Variants in LMOD1 observed in about 807,000 individuals in gnomAD.
The protein encoded by LMOD1 is leiomodin-1.
Under a neutral mutation model 36.5 loss-of-function variants are expected in LMOD1, and 8 were observed. The ratio of observed to expected loss-of-function variants is 0.22; its 90% CI spans 0.13 to 0.40. The LOEUF is 0.40. Among genes scored for constraint, LMOD1 ranks in the 10% least tolerant of loss-of-function variants. The probability of loss-of-function intolerance (pLI) is 1.00; values close to 1 mark genes in which losing one functional copy is unlikely to be tolerated. For synonymous variants in LMOD1, 284 were observed against 288.7 expected, an observed-to-expected ratio of 0.98 and a Z score of 0.17; for missense variants, 630 against 751.1, an observed-to-expected ratio of 0.84 and a Z score of 1.88.
chr1:201,945,982 G>A (rs1261570042), intron 1 of LMOD1, 98 bp downstream of exon 1: 1 of 1,244,998 alleles, frequency 8.0e-7, no homozygotes, highest in Admixed American at 2.1e-5. Flanking sequence ...TTGCCAACAA[G>A]AACGTTTCTT....
chr1:201,915,068 A>G (rs1255833055), intron 1 of LMOD1, among the ~76,000 whole-genome samples: 1 of 152,090 alleles, frequency 6.6e-6, no homozygotes. Flanking sequence ...TCCTGTCACT[A>G]AGTCGGATTT....
At chr1:201,917,550 T>C (rs1681632280) in intron 1 of LMOD1, among the ~76,000 whole-genome samples, 1 of 152,238 alleles carries the variant, frequency 6.6e-6, no homozygotes, top group Non-Finnish European at 1.5e-5. Context: ...TCAGCAGAAC[T>C]AAATGCTTTG....
intron 1 of LMOD1, among the ~76,000 whole-genome samples, chr1:201,931,200 T>C (rs567529234): frequency 5.9e-5 from 9 of 151,990 alleles, no homozygotes; most frequent in Admixed American, 1.3e-4. Flanking sequence ...GTTTGGGTAA[T>C]AGTCTGGGAC....
At chr1:201,909,301 G>A (rs1181616328) in intron 1 of LMOD1, among the ~76,000 whole-genome samples, 1 of 152,220 alleles carries the variant, frequency 6.6e-6, no homozygotes, top group Non-Finnish European at 1.5e-5. Context: ...GCAGATGATG[G>A]GGTCTCAGGT....
At chr1:201,923,077 G>A (rs1681733576) in intron 1 of LMOD1, among the ~76,000 whole-genome samples, 1 of 152,074 alleles carries the variant, frequency 6.6e-6, no homozygotes, top group Non-Finnish European at 1.5e-5. Flanking sequence ...CACCCGTCTC[G>A]GCCTCCCAAA....
At chr1:201,908,576 G>A (rs1681445795) in intron 1 of LMOD1, among the ~76,000 whole-genome samples, 1 of 152,124 alleles carries the variant, frequency 6.6e-6, no homozygotes, top group African/African-American at 2.4e-5. Context: ...TCCTAATTTG[G>A]GGTTGGGGGC....
chr1:201,904,048 C>T (rs1681371485), intron 1 of LMOD1, among the ~76,000 whole-genome samples: 1 of 152,218 alleles, frequency 6.6e-6, no homozygotes, highest in Non-Finnish European at 1.5e-5. Flanking sequence ...TCGGCCCACC[C>T]AGCATCCCTG....
chr1:201,943,221 G>A (rs1011869677), intron 1 of LMOD1, among the ~76,000 whole-genome samples: 1 of 152,200 alleles, frequency 6.6e-6, no homozygotes, highest in Admixed American at 6.5e-5. Flanking sequence ...TTGCACCCTA[G>A]TATGGCAGAG....
At chr1:201,932,068 A>G (rs1681932797) in intron 1 of LMOD1, among the ~76,000 whole-genome samples, 1 of 152,298 alleles carries the variant, frequency 6.6e-6, no homozygotes, top group African/African-American at 2.4e-5. Context: ...AGTAGCTTGG[A>G]TGCACAATAG....
chr1:201,946,182 G>T lies in LMOD1; in HGVS notation c.159C>A (p.Asn53Lys), dbSNP rs753894312. Residue 53 changes from asparagine (N) to lysine (K), a missense_variant, in exon 1 of 3, where the codon AAC becomes AAA. Transcript: ENST00000367288. ...CACCCGTGGACTGTTTCTCCGTCTGGTTTCTCTGCCGCAGCCCCACGGGAA... is the reference window on the plus strand; with the variant it reads ...CACCCGTGGACTGTTTCTCCGTCTGTTTTCTCTGCCGCAGCCCCACGGGAA... ...GSVPVGLRQR[N>K]QTEKQSTGVY... 2 of 1,613,978 alleles carry T rather than the reference G, an allele frequency of 1.2e-6. No individual in the cohort carries two copies. Among genetic ancestry groups the T allele is most frequent in the Non-Finnish European group, 1.7e-6 (2 of 1,179,880 alleles).
Position 201,919,290 on chromosome 1 carries a change from C to T in LMOD1, c.262-18539G>A, listed in dbSNP as rs186577590. On this transcript the variant is annotated intron_variant, in intron 1 of 2. Coordinates refer to ENST00000367288, the MANE Select transcript of LMOD1 (RefSeq NM_012134.3). ...GTGCAGTGGTACTCACTGCAACCTC[C>T]GCCTCCTGGGTTCAAGCAATTTTCC... 3.8e-3 allele frequency among the ~76,000 whole-genome samples: 576 copies of T among 152,040 alleles called. 3 individuals carry two copies. Among genetic ancestry groups the T allele is most frequent in the African/African-American group, 0.013 (541 of 41,428 alleles).
At chr1:201,910,744 CTTTTTTTTTTTTTTTTT>C (rs58506647) in intron 1 of LMOD1, among the ~76,000 whole-genome samples, 1 of 49,050 alleles carries the variant, frequency 2.0e-5, no homozygotes, top group Admixed American at 3.6e-4. Context: ...TGGTGTCATT[CTTTTTTTTTTTTTTTTT>C]TTTTTTTTTT....
At chr1:201,924,693 GAA>G (rs1242121202) in intron 1 of LMOD1, among the ~76,000 whole-genome samples, 2 of 119,916 alleles carry the variant, frequency 1.7e-5, no homozygotes, top group African/African-American at 5.8e-5. Context: ...AAGAAAGAAA[GAA>G]AGAAAGAAAG....
intron 1 of LMOD1, among the ~76,000 whole-genome samples, chr1:201,907,899 G>T (rs1681435405): frequency 6.6e-6 from 1 of 152,136 alleles, no homozygotes; most frequent in African/African-American, 2.4e-5. Flanking sequence ...AAACAGTCTT[G>T]CCCTCACAAC....
chr1:201,935,319 C>CTT lies in LMOD1; in HGVS notation c.261+10759_261+10760dup, dbSNP rs35542093. 5.6e-3 allele frequency among the ~76,000 whole-genome samples: 777 copies of CTT among 138,262 alleles called. 4 individuals are homozygous for CTT. Among genetic ancestry groups the CTT allele is most frequent in the African/African-American group, 0.012 (457 of 37,688 alleles). 90.7% of individuals were successfully genotyped at this position (138,262 alleles called of 152,430 possible). On this transcript the variant is annotated intron_variant, in intron 1 of 2. Coordinates refer to ENST00000367288, the MANE Select transcript of LMOD1 (RefSeq NM_012134.3). ...TAAGCTATTTGGTGAATTTGATGTCCTTTTTTTTTTTTTTTTGAGACAAGA... is the reference window on the plus strand; with the variant it reads ...TAAGCTATTTGGTGAATTTGATGTCCTTTTTTTTTTTTTTTTTTGAGACAAGA...
At chr1:201,937,249 C>T (rs1468872693) in intron 1 of LMOD1, among the ~76,000 whole-genome samples, 3 of 151,884 alleles carry the variant, frequency 2.0e-5, no homozygotes, top group African/African-American at 7.3e-5. Flanking sequence ...AGTTCAAGAC[C>T]AGCCTTGGCA....
At chr1:201,935,354 C>A (rs1302131053) in intron 1 of LMOD1, among the ~76,000 whole-genome samples, 1 of 147,612 alleles carries the variant, frequency 6.8e-6, no homozygotes, top group Non-Finnish European at 1.5e-5. Context: ...ATCTGGAGTG[C>A]AACCCCTGTC....
chr1:201,908,741 G>A (rs1456292279), intron 1 of LMOD1, among the ~76,000 whole-genome samples: 3 of 152,134 alleles, frequency 2.0e-5, no homozygotes, highest in African/African-American at 7.2e-5. Flanking sequence ...AGGTACTCTG[G>A]AAATGCTTGG....
chr1:201,908,430 C>G (rs1199572069), intron 1 of LMOD1, among the ~76,000 whole-genome samples: 1 of 152,176 alleles, frequency 6.6e-6, no homozygotes, highest in African/African-American at 2.4e-5. Context: ...AACCTCACCC[C>G]CTTAGGTTAA....
Sources: gnomAD v4.1 joint callset for allele counts (sites outside exome capture counted in the v4.1 genomes callset) on GRCh38, gnomAD v4.1.1 for gene constraint, MANE v1.5 for transcripts, NCBI Gene and HGNC (gene_info 2026-07-23, HGNC 2026-07-21) for gene names.